Variants in FAM168A observed in about 807,000 individuals in gnomAD.
FAM168A encodes the protein protein FAM168A.
A neutral mutation model predicts 28.5 loss-of-function variants in FAM168A; 3 were observed. The observed-to-expected ratio is 0.11, with a 90% confidence interval of 0.05 to 0.27. The LOEUF (loss-of-function observed/expected upper bound fraction) is 0.27, where lower values mean the gene tolerates loss of function less well. Among genes scored for constraint, FAM168A ranks in the 10% least tolerant of loss-of-function variants. The pLI, the probability that FAM168A is intolerant of heterozygous loss-of-function variation, is 1.00. For synonymous variants in FAM168A, 122 were observed against 124.2 expected (o/e 0.98, Z 0.12); for missense variants, 222 against 311.5 (o/e 0.71, Z 2.16).
intron 1 of FAM168A, among the ~76,000 whole-genome samples, chr11:73,570,903 T>C (rs1944078527): frequency 6.6e-6 from 1 of 152,182 alleles, no homozygotes; most frequent in African/African-American, 2.4e-5. Flanking sequence ...TCTCCTTACT[T>C]AGTCACTGTA....
At chr11:73,585,871 CAAAAA>C (rs11358691) in intron 1 of FAM168A, among the ~76,000 whole-genome samples, 2 of 81,654 alleles carry the variant, frequency 2.4e-5, no homozygotes, top group Non-Finnish European at 2.6e-5. Context: ...CCATCTCAAA[CAAAAA>C]AAAAAAAAAA....
At chr11:73,463,848 T>C (rs771732984) in intron 2 of FAM168A, among the ~76,000 whole-genome samples, 8 of 152,206 alleles carry the variant, frequency 5.3e-5, no homozygotes, top group Admixed American at 6.5e-5. Context: ...CACAAGGAGA[T>C]TATATTCATG....
At chr11:73,431,630 T>C (rs12146658) in intron 2 of FAM168A, among the ~76,000 whole-genome samples, 10,009 of 152,184 alleles carry the variant, frequency 0.066, 885 homozygotes, top group African/African-American at 0.2. Flanking sequence ...TATGACCAAT[T>C]TGATGCTATC....
chr11:73,596,057 A>G (rs576851150), intron 1 of FAM168A, among the ~76,000 whole-genome samples: 5 of 152,222 alleles, frequency 3.3e-5, no homozygotes, highest in Non-Finnish European at 7.4e-5. Flanking sequence ...TTGCCTTGCA[A>G]ACCAGGACAC....
At chr11:73,434,151 C>G (rs1015990186) in intron 2 of FAM168A, among the ~76,000 whole-genome samples, 1 of 148,878 alleles carries the variant, frequency 6.7e-6, no homozygotes, top group Non-Finnish European at 1.5e-5. Flanking sequence ...GCCAGGTAGG[C>G]CTATTTTTAA....
chr11:73,472,445 G>GT (rs1324603409), intron 1 of FAM168A, among the ~76,000 whole-genome samples: 1 of 152,196 alleles, frequency 6.6e-6, no homozygotes, highest in Non-Finnish European at 1.5e-5. Context: ...GATCAGACAG[G>GT]TAATGAAGGC....
intron 1 of FAM168A, chr11:73,580,611 T>C: frequency 2.1e-6 from 1 of 473,754 alleles, no homozygotes; most frequent in South Asian, 1.7e-5. Flanking sequence ...AATGCAGAAT[T>C]TTGTTTTACT....
At chr11:73,564,775 T>C (rs1347031141) in intron 1 of FAM168A, among the ~76,000 whole-genome samples, 1 of 138,354 alleles carries the variant, frequency 7.2e-6, no homozygotes, top group Non-Finnish European at 1.5e-5. Context: ...AGGCTAGAGG[T>C]ATAGCTCTAG....
chr11:73,411,661 GAACA>G (rs1321958223), intron 4 of FAM168A, 125 bp from the exon 5 acceptor site: 7 of 1,026,746 alleles, frequency 6.8e-6, no homozygotes, highest in Admixed American at 2.0e-5. Context: ...ACAGAGATGA[GAACA>G]AACAGAGAAC....
rs1002542526 is a variant in FAM168A, at chr11:73,530,133, G to C, written c.-18-61641C>G. ...CTTTTTAGTGCCAAAGTCACTTCTG[G>C]GACAATGCAGATATGGAGACAAATC... On this transcript the variant is annotated intron_variant, in intron 1 of 7. Transcript: ENST00000356467. Among the ~76,000 whole-genome samples the C allele has an allele frequency of 2.0e-5, 3 of 151,964 alleles. No individual in the cohort carries two copies. In the South Asian group the frequency reaches 6.2e-4, roughly 32 times the overall value.
intron 1 of FAM168A, among the ~76,000 whole-genome samples, chr11:73,547,918 C>T (rs1278972857): frequency 1.3e-5 from 2 of 151,208 alleles, no homozygotes; most frequent in Admixed American, 6.6e-5. Context: ...AGAAGGAAAT[C>T]CTTTCACATG....
At chr11:73,583,447 G>A (rs1161414822) in intron 1 of FAM168A, among the ~76,000 whole-genome samples, 1 of 152,158 alleles carries the variant, frequency 6.6e-6, no homozygotes, top group South Asian at 2.1e-4. Context: ...TCTGTACAAG[G>A]TCCCAAGATG....
At chr11:73,427,102 C>A (rs1361577504) in intron 3 of FAM168A, among the ~76,000 whole-genome samples, 1 of 152,096 alleles carries the variant, frequency 6.6e-6, no homozygotes, top group Non-Finnish European at 1.5e-5. Context: ...AGCAATTCTC[C>A]TGCCTCAGCC....
intron 1 of FAM168A, among the ~76,000 whole-genome samples, chr11:73,593,285 C>A (rs895594630): frequency 6.6e-6 from 1 of 151,980 alleles, no homozygotes; most frequent in African/African-American, 2.4e-5. Context: ...AGTAGAAAAG[C>A]CTTCAATTTG....
chr11:73,545,010 A>T (rs1205816577), intron 1 of FAM168A, among the ~76,000 whole-genome samples: 1 of 80,806 alleles, frequency 1.2e-5, no homozygotes, highest in Non-Finnish European at 2.0e-5. Context: ...ATAATATACT[A>T]TATATATAGT....
Position 73,518,182 on chromosome 11 carries a change from T to C in FAM168A, c.-18-49690A>G, listed in dbSNP as rs569817461. Among the ~76,000 whole-genome samples, 7 of 152,260 alleles carry C rather than the reference T, an allele frequency of 4.6e-5. No homozygotes were observed. In the South Asian group the frequency reaches 1.2e-3, roughly 27 times the overall value. ...TCCAGGGATATTAGAGAGTAGTATA[T>C]AGGCCTATAACCAGGCTGAATCAAT... On this transcript the variant is annotated intron_variant, in intron 1 of 7. Coordinates refer to ENST00000356467, the MANE Select transcript of FAM168A (RefSeq NM_015159.3).
chr11:73,589,480 G>A (rs77072565), intron 1 of FAM168A, among the ~76,000 whole-genome samples: 2,931 of 139,086 alleles, frequency 0.021, 80 homozygotes, highest in African/African-American at 0.057. Flanking sequence ...CAACACTAAC[G>A]ATAGCTGATA....
At chr11:73,560,252 T>TG (rs1943943006) in intron 1 of FAM168A, among the ~76,000 whole-genome samples, 1 of 151,292 alleles carries the variant, frequency 6.6e-6, no homozygotes, top group Admixed American at 6.6e-5. Flanking sequence ...TTTAAAGAGA[T>TG]GGGGTCTCAC....
chr11:73,543,321 T>A (rs1286474644), intron 1 of FAM168A, among the ~76,000 whole-genome samples: 1 of 147,424 alleles, frequency 6.8e-6, no homozygotes, highest in Non-Finnish European at 1.5e-5. Context: ...TGGAGTGCAG[T>A]GGCACAATCT....
Sources: allele counts gnomAD v4.1 joint callset (sites outside exome capture counted in the v4.1 genomes callset), GRCh38; gene constraint gnomAD v4.1.1; transcripts MANE v1.5; gene names NCBI Gene and HGNC (gene_info 2026-07-23, HGNC 2026-07-21).